Variants in TAFA4 observed in about 807,000 individuals in gnomAD.
The protein encoded by TAFA4 is chemokine-like protein TAFA-4.
A neutral mutation model predicts 21.1 loss-of-function variants in TAFA4; 20 were observed. The ratio of observed to expected loss-of-function variants is 0.95; its 90% CI spans 0.67 to 1.38. TAFA4 has a LOEUF of 1.38. TAFA4 is among the 40% of genes most tolerant of loss of function. The pLI is 0.00. For missense variants in TAFA4, 211 were observed against 180.9 expected (o/e 1.17, Z -0.95); for synonymous variants, 71 against 67.4 (o/e 1.05, Z -0.26).
At chr3:68,767,621 A>G (rs1211632948) in intron 3 of TAFA4, among the ~76,000 whole-genome samples, 2 of 152,234 alleles carry the variant, frequency 1.3e-5, no homozygotes, top group East Asian at 1.9e-4. Flanking sequence ...GCAACTGAAC[A>G]GTGGAATTTG....
chr3:68,819,794 G>C (rs915200973), intron 3 of TAFA4, among the ~76,000 whole-genome samples: 9 of 152,200 alleles, frequency 5.9e-5, no homozygotes, highest in African/African-American at 2.2e-4. Context: ...CTAAGTGTTG[G>C]TGAGGATGCA....
At chr3:68,834,506 A>ATCT (rs1704476615) in intron 3 of TAFA4, among the ~76,000 whole-genome samples, 1 of 152,082 alleles carries the variant, frequency 6.6e-6, no homozygotes, top group African/African-American at 2.4e-5. Flanking sequence ...CATCATCACC[A>ATCT]TCTTCTGTAT....
intron 4 of TAFA4, among the ~76,000 whole-genome samples, chr3:68,744,580 A>G (rs1445349533): frequency 6.6e-6 from 1 of 152,200 alleles, no homozygotes; most frequent in Non-Finnish European, 1.5e-5. Flanking sequence ...CAGCAGATAA[A>G]TTCCAGTCAG....
intron 3 of TAFA4, among the ~76,000 whole-genome samples, chr3:68,806,746 T>C (rs1054657737): frequency 6.6e-6 from 1 of 152,092 alleles, no homozygotes; most frequent in Non-Finnish European, 1.5e-5. Context: ...ATAGGAGTCA[T>C]GATTGAACTT....
intron 3 of TAFA4, among the ~76,000 whole-genome samples, chr3:68,823,284 T>C (rs1653252753): frequency 6.6e-6 from 1 of 152,202 alleles, no homozygotes; most frequent in African/African-American, 2.4e-5. Flanking sequence ...ATACAAGCAC[T>C]AAAATGCAGT....
At chr3:68,929,564 G>A (rs766933436) in intron 1 of TAFA4, among the ~76,000 whole-genome samples, 24 of 152,176 alleles carry the variant, frequency 1.6e-4, no homozygotes, top group Non-Finnish European at 3.1e-4. Context: ...CATCACCTAC[G>A]TGGCTATCTC....
intron 1 of TAFA4, among the ~76,000 whole-genome samples, chr3:68,898,006 G>A (rs1200302757): frequency 6.6e-6 from 1 of 152,214 alleles, no homozygotes; most frequent in Non-Finnish European, 1.5e-5. Flanking sequence ...ACAAAGGACT[G>A]GTCAGGTTTG....
intron 3 of TAFA4, among the ~76,000 whole-genome samples, chr3:68,855,188 T>C (rs1705044424): frequency 6.6e-6 from 1 of 152,250 alleles, no homozygotes; most frequent in South Asian, 2.1e-4. Context: ...AGTTCAATTA[T>C]GTTCTGTATC....
At chr3:68,770,709 C>T (rs1238807411) in intron 3 of TAFA4, among the ~76,000 whole-genome samples, 1 of 152,134 alleles carries the variant, frequency 6.6e-6, no homozygotes, top group African/African-American at 2.4e-5. Context: ...TCACCTTCTC[C>T]CACTTTATAA....
intron 5 of TAFA4, among the ~76,000 whole-genome samples, chr3:68,738,010 C>T (rs1342601046): frequency 6.6e-6 from 1 of 152,074 alleles, no homozygotes; most frequent in East Asian, 1.9e-4. Flanking sequence ...AAGCCAGGGC[C>T]CAACATCAAA....
intron 4 of TAFA4, among the ~76,000 whole-genome samples, chr3:68,740,930 A>C (rs1405248701): frequency 1.3e-5 from 2 of 152,066 alleles, no homozygotes; most frequent in African/African-American, 4.8e-5. Context: ...TAGTCTTGTC[A>C]CCCTGTCAAA....
intron 1 of TAFA4, among the ~76,000 whole-genome samples, chr3:68,915,211 GC>G (rs1266562476): frequency 6.6e-6 from 1 of 152,162 alleles, no homozygotes; most frequent in Non-Finnish European, 1.5e-5. Context: ...AAATTCTGAA[GC>G]CCAGTGAGTG....
At chr3:68,908,589 A>G (rs1049224081) in intron 1 of TAFA4, among the ~76,000 whole-genome samples, 1 of 152,234 alleles carries the variant, frequency 6.6e-6, no homozygotes, top group African/African-American at 2.4e-5. Flanking sequence ...TCCAGAGGTA[A>G]ATGCAAAACA....
intron 3 of TAFA4, among the ~76,000 whole-genome samples, chr3:68,777,812 T>C (rs1379537123): frequency 1.3e-5 from 2 of 152,130 alleles, no homozygotes; most frequent in Non-Finnish European, 1.5e-5. Flanking sequence ...GACATACAAA[T>C]ACTTACCATT....
At chr3:68,745,199 C>T (rs745613107) in intron 4 of TAFA4, among the ~76,000 whole-genome samples, 33 of 152,132 alleles carry the variant, frequency 2.2e-4, no homozygotes, top group Non-Finnish European at 3.7e-4. Context: ...ATTAAACAGC[C>T]AGGAAATTTA....
At chr3:68,734,061 C>T (rs1177077993) in intron 5 of TAFA4, among the ~76,000 whole-genome samples, 1 of 152,058 alleles carries the variant, frequency 6.6e-6, no homozygotes, top group Non-Finnish European at 1.5e-5. Context: ...CATACAGTCA[C>T]TATAGCAACT....
At chr3:68,896,976 TC>T (rs1340267028) in intron 1 of TAFA4, among the ~76,000 whole-genome samples, 8 of 152,210 alleles carry the variant, frequency 5.3e-5, no homozygotes, top group African/African-American at 1.9e-4. Flanking sequence ...CGATCTTGGC[TC>T]CCTGCAACCT....
chr3:68,749,420 T>A (rs1463249241), intron 4 of TAFA4, among the ~76,000 whole-genome samples: 1 of 152,228 alleles, frequency 6.6e-6, no homozygotes, highest in Non-Finnish European at 1.5e-5. Flanking sequence ...TCCTTTCTAT[T>A]CTTATTGACA....
At chr3:68,760,951 A>G (rs1702745968) in intron 3 of TAFA4, among the ~76,000 whole-genome samples, 1 of 152,190 alleles carries the variant, frequency 6.6e-6, no homozygotes, top group African/African-American at 2.4e-5. Flanking sequence ...AGGACAGTAG[A>G]AGAGAGAGAC....
Sources: gnomAD v4.1 joint callset for allele counts (sites outside exome capture counted in the v4.1 genomes callset) on GRCh38, gnomAD v4.1.1 for gene constraint, MANE v1.5 for transcripts, NCBI Gene and HGNC (gene_info 2026-07-23, HGNC 2026-07-21) for gene names.